Variants in SLC4A10 observed in about 807,000 individuals in gnomAD.
SLC4A10 encodes sodium-driven chloride bicarbonate exchanger.
In SLC4A10, 42 loss-of-function variants were observed where a neutral mutation model predicts 137.7. That is an observed-to-expected ratio of 0.30 (90% CI 0.24 to 0.39). The LOEUF is 0.39. Among genes scored for constraint, SLC4A10 ranks in the 10% least tolerant of loss-of-function variants. The pLI is 1.00. For missense variants in SLC4A10, 925 were observed against 1,355.0 expected (o/e 0.68, Z 4.98); for synonymous variants, 474 against 464.1 (o/e 1.02, Z -0.27).
chr2:161,736,344 T>G lies in SLC4A10; in HGVS notation c.49-34629T>G, dbSNP rs549023419. On this transcript the variant is annotated intron_variant, in intron 1 of 26. Transcript: ENST00000446997. ...AAAAAGTTTTTATATAAAATCCCAG[T>G]TAAGACAAAATGACCAGAAAAAGCT... Among the ~76,000 whole-genome samples the G allele has an allele frequency of 1.5e-4, 23 of 152,304 alleles. No homozygotes were observed. The South Asian group carries it at 4.6e-3, about 30-fold the overall frequency.
chr2:161,781,316 G>A (rs1310567100), intron 2 of SLC4A10, among the ~76,000 whole-genome samples: 1 of 152,030 alleles, frequency 6.6e-6, no homozygotes, highest in Non-Finnish European at 1.5e-5. Flanking sequence ...TACTTGGTGA[G>A]TGAATCTTGA....
At chr2:161,883,322 T>A (rs2061959879) in intron 10 of SLC4A10, among the ~76,000 whole-genome samples, 1 of 152,186 alleles carries the variant, frequency 6.6e-6, no homozygotes, top group Non-Finnish European at 1.5e-5. Context: ...AAAGAGCCAA[T>A]TAGTATTGTA....
chr2:161,859,301 T>C (rs116418933), intron 5 of SLC4A10, among the ~76,000 whole-genome samples: 10 of 54,572 alleles, frequency 1.8e-4, no homozygotes, highest in East Asian at 1.9e-3. Flanking sequence ...CTTTTCTTTT[T>C]TTTTTTTTTA....
At chr2:161,666,829 G>C (rs2039098518) in intron 1 of SLC4A10, among the ~76,000 whole-genome samples, 1 of 121,334 alleles carries the variant, frequency 8.2e-6, no homozygotes, top group Non-Finnish European at 1.8e-5. Context: ...ATATATTTCT[G>C]CTCATGTTAA....
intron 15 of SLC4A10, among the ~76,000 whole-genome samples, chr2:161,932,701 T>C (rs1275754071): frequency 6.6e-6 from 1 of 152,182 alleles, no homozygotes; most frequent in East Asian, 1.9e-4. Flanking sequence ...CTCCTACTTA[T>C]CTTTGGAAAA....
chr2:161,955,313 G>A (rs537787263), intron 19 of SLC4A10, among the ~76,000 whole-genome samples: 1 of 152,158 alleles, frequency 6.6e-6, no homozygotes, highest in South Asian at 2.1e-4. Flanking sequence ...TGATATTATG[G>A]TCCTGGCAAA....
intron 8 of SLC4A10, among the ~76,000 whole-genome samples, chr2:161,875,794 TCTC>T (rs1181537679): frequency 6.6e-6 from 1 of 152,152 alleles, no homozygotes; most frequent in African/African-American, 2.4e-5. Flanking sequence ...ACCTTAGACA[TCTC>T]CTCATTTAGT....
intron 4 of SLC4A10, among the ~76,000 whole-genome samples, chr2:161,852,855 C>G (rs2059907846): frequency 6.6e-6 from 1 of 152,150 alleles, no homozygotes. Context: ...TAATTTGTCT[C>G]ATCATTTTAC....
intron 1 of SLC4A10, among the ~76,000 whole-genome samples, chr2:161,673,824 T>C (rs2105804212): frequency 6.6e-6 from 1 of 152,206 alleles, no homozygotes; most frequent in South Asian, 2.1e-4. Context: ...ACCCAGTCTC[T>C]ACTAAAAATA....
At chr2:161,654,806 G>A (rs2037286257) in intron 1 of SLC4A10, among the ~76,000 whole-genome samples, 1 of 152,102 alleles carries the variant, frequency 6.6e-6, no homozygotes, top group African/African-American at 2.4e-5. Context: ...AAATCAGGGA[G>A]TGTGGTGCCT....
intron 1 of SLC4A10, among the ~76,000 whole-genome samples, chr2:161,687,434 A>T (rs537533743): frequency 4.6e-5 from 7 of 152,312 alleles, no homozygotes; most frequent in African/African-American, 1.7e-4. Flanking sequence ...ATTTTAAAAT[A>T]ATGTCTTGGA....
chr2:161,794,823 G>C (rs1352692561), intron 2 of SLC4A10, among the ~76,000 whole-genome samples: 1 of 152,032 alleles, frequency 6.6e-6, no homozygotes, highest in Non-Finnish European at 1.5e-5. Flanking sequence ...TACCACTGAG[G>C]TGTTTTCCCT....
intron 2 of SLC4A10, among the ~76,000 whole-genome samples, chr2:161,794,799 T>G (rs879883253): frequency 3.3e-5 from 5 of 152,272 alleles, no homozygotes; most frequent in East Asian, 3.9e-4. Flanking sequence ...ATTCTTTCCC[T>G]ATGGCCAATT....
intron 1 of SLC4A10, among the ~76,000 whole-genome samples, chr2:161,642,726 A>C (rs185535016): frequency 1.8e-3 from 268 of 152,144 alleles, no homozygotes; most frequent in African/African-American, 6.2e-3. Flanking sequence ...TGAAATTCTA[A>C]TCATAGGCAT....
intron 21 of SLC4A10, among the ~76,000 whole-genome samples, chr2:161,962,284 C>T (rs548728254): frequency 6.6e-6 from 1 of 152,256 alleles, no homozygotes; most frequent in Non-Finnish European, 1.5e-5. Context: ...TTCATTCCAA[C>T]ACTTCAGGAA....
intron 6 of SLC4A10, among the ~76,000 whole-genome samples, chr2:161,864,829 A>C (rs141299157): frequency 9.9e-5 from 15 of 152,266 alleles, no homozygotes; most frequent in African/African-American, 3.6e-4. Context: ...TAAGAGATGT[A>C]TTACAAATGC....
chr2:161,968,275 T>C (rs1179373215), intron 23 of SLC4A10, among the ~76,000 whole-genome samples: 1 of 152,204 alleles, frequency 6.6e-6, no homozygotes, highest in Non-Finnish European at 1.5e-5. Flanking sequence ...ATGGTACTTA[T>C]ATGTGTGTGT....
At chr2:161,630,556 AG>A (rs2033347059) in intron 1 of SLC4A10, among the ~76,000 whole-genome samples, 1 of 151,748 alleles carries the variant, frequency 6.6e-6, no homozygotes, top group African/African-American at 2.4e-5. Flanking sequence ...GATATATTTA[AG>A]GGCATGCTAC....
intron 1 of SLC4A10, among the ~76,000 whole-genome samples, chr2:161,752,002 A>G (rs2049034162): frequency 6.6e-6 from 1 of 152,012 alleles, no homozygotes; most frequent in Non-Finnish European, 1.5e-5. Context: ...CTAGTCATAC[A>G]TAAGATCAAT....
Sources: allele counts gnomAD v4.1 joint callset (sites outside exome capture counted in the v4.1 genomes callset), GRCh38; gene constraint gnomAD v4.1.1; transcripts MANE v1.5; gene names NCBI Gene and HGNC (gene_info 2026-07-23, HGNC 2026-07-21).